Variants in CSMD3 observed in about 807,000 individuals in gnomAD.
CSMD3 encodes the protein CUB and sushi domain-containing protein 3.
CSMD3 carries 177 observed loss-of-function variants against 435.2 expected under a neutral mutation model. The ratio of observed to expected loss-of-function variants is 0.41; its 90% CI spans 0.36 to 0.46. The LOEUF is 0.46. CSMD3 is among the 20% of genes least tolerant of loss of function. The probability of loss-of-function intolerance (pLI) is 0.34; values close to 1 mark genes in which losing one functional copy is unlikely to be tolerated. For synonymous variants in CSMD3, 1,656 were observed against 1,520.5 expected, an observed-to-expected ratio of 1.09 and a Z score of -2.07; for missense variants, 4,265 against 4,504.6, an observed-to-expected ratio of 0.95 and a Z score of 1.52.
intron 67 of CSMD3, among the ~76,000 whole-genome samples, chr8:112,235,153 T>C (rs574945224): frequency 6.6e-6 from 1 of 152,022 alleles, no homozygotes; most frequent in Non-Finnish European, 1.5e-5. Context: ...ATGGTCTGAA[T>C]CCAAAAGTAT....
chr8:112,572,146 T>C (rs1407255698), intron 24 of CSMD3, among the ~76,000 whole-genome samples: 1 of 152,068 alleles, frequency 6.6e-6, no homozygotes, highest in Non-Finnish European at 1.5e-5. Context: ...CATTACAATA[T>C]TGATATTGCT....
intron 27 of CSMD3, among the ~76,000 whole-genome samples, chr8:112,535,270 C>T (rs1162423838): frequency 6.6e-6 from 1 of 152,082 alleles, no homozygotes; most frequent in Non-Finnish European, 1.5e-5. Flanking sequence ...ATCTAGAAAA[C>T]CCCATTGTCT....
chr8:112,796,168 A>G (rs1195792065), intron 13 of CSMD3, among the ~76,000 whole-genome samples: 1 of 152,092 alleles, frequency 6.6e-6, no homozygotes, highest in Admixed American at 6.6e-5. Flanking sequence ...AAATCTCTCA[A>G]AATCACTTAG....
At position 112,462,583 on chromosome 8, in the gene CSMD3, A is replaced by AGAGCATATTATAGTGAAATTCTT. The variant is rs575795929; in HGVS notation, c.5395+9985_5395+10007dup. 1.2e-3 allele frequency among the ~76,000 whole-genome samples: 189 copies of AGAGCATATTATAGTGAAATTCTT among 152,328 alleles called. 1 individual carries two copies. The highest frequency in any genetic ancestry group is 4.5e-3 in the African/African-American group (187 of 41,566). On this transcript the variant is annotated intron_variant, in intron 32 of 70. Transcript: ENST00000297405. ...TTGAAAATTCAGCTAATCCCATTCT[A>AGAGCATATTATAGTGAAATTCTT]GAGCATATTATAGTGAAATTCTTGC...
At chr8:112,386,173 G>A (rs1204600685) in intron 36 of CSMD3, among the ~76,000 whole-genome samples, 1 of 152,168 alleles carries the variant, frequency 6.6e-6, no homozygotes, top group Non-Finnish European at 1.5e-5. Context: ...CGAGGGAGGA[G>A]AGGTTCTGCC....
rs1814158113 is a variant in CSMD3 at position 112,241,653 on chromosome 8, A to T, written c.10468+67T>A. 2 of 1,041,862 alleles carry T rather than the reference A, an allele frequency of 1.9e-6. 1 individual carries two copies. The highest frequency in any genetic ancestry group is 3.4e-5 in the Admixed American group (2 of 58,806). The allele number at this position is 1,041,862 out of a possible 1,614,324, so 64.5% of individuals were successfully genotyped here. A position where few individuals can be genotyped will look rare whatever the true frequency, so the allele number is the denominator to read the frequency against. On this transcript the variant is annotated intron_variant, in intron 66 of 70. Transcript: ENST00000297405. ...TATATTTTTTAAATACACAGTTACTATGCCAAGAAAATAGTAGACCATTTT... is the reference window on the plus strand; with the variant it reads ...TATATTTTTTAAATACACAGTTACTTTGCCAAGAAAATAGTAGACCATTTT...
At chr8:112,361,574 T>TAC (rs1194812702) in intron 38 of CSMD3, among the ~76,000 whole-genome samples, 499 of 4,136 alleles carry the variant, frequency 0.12, 22 homozygotes, top group African/African-American at 0.23. Flanking sequence ...TACACATACA[T>TAC]ATATATATAT....
intron 1 of CSMD3, among the ~76,000 whole-genome samples, chr8:113,375,548 T>TACAC: frequency 9.3e-6 from 1 of 107,288 alleles, no homozygotes; most frequent in African/African-American, 3.8e-5. Context: ...CACACACACG[T>TACAC]GTCATGCCGA....
At chr8:112,899,873 A>G (rs2082062713) in intron 10 of CSMD3, among the ~76,000 whole-genome samples, 1 of 150,170 alleles carries the variant, frequency 6.7e-6, no homozygotes, top group South Asian at 2.1e-4. Flanking sequence ...AGACTTATAT[A>G]TATCTTCTGA....
rs548409793 is a variant in CSMD3, at chr8:112,997,604, C to T, written c.1031-21456G>A. Reference sequence around the variant, plus strand: ...TTTGATGGTCAAGGAGATATTATATCTGACTTTTTTCTTAGTTTGTATCAG... The same window carrying T: ...TTTGATGGTCAAGGAGATATTATATTTGACTTTTTTCTTAGTTTGTATCAG... On this transcript the variant is annotated intron_variant, in intron 6 of 70. Transcript: ENST00000297405. Among the ~76,000 whole-genome samples the T allele has an allele frequency of 7.9e-5, 12 of 151,534 alleles. No individual in the cohort carries two copies. In the East Asian group the frequency reaches 1.6e-3, roughly 20 times the overall value.
At chr8:112,586,253 A>G (rs932158151) in intron 23 of CSMD3, among the ~76,000 whole-genome samples, 4 of 151,542 alleles carry the variant, frequency 2.6e-5, no homozygotes, top group Non-Finnish European at 5.9e-5. Flanking sequence ...TTGTGAAAAC[A>G]GAAGTATAAT....
At chr8:112,986,499 G>A (rs1209427206) in intron 6 of CSMD3, among the ~76,000 whole-genome samples, 1 of 152,058 alleles carries the variant, frequency 6.6e-6, no homozygotes, top group East Asian at 1.9e-4. Flanking sequence ...ACGGAAAGAA[G>A]GCAAGTTGAA....
intron 18 of CSMD3, among the ~76,000 whole-genome samples, chr8:112,653,433 AAT>A (rs1287432755): frequency 2.6e-5 from 4 of 152,152 alleles, no homozygotes; most frequent in African/African-American, 9.7e-5. Flanking sequence ...TTTGGAGATG[AAT>A]ATATGTCTAT....
intron 18 of CSMD3, among the ~76,000 whole-genome samples, chr8:112,654,612 C>A (rs911399410): frequency 6.6e-6 from 1 of 152,124 alleles, no homozygotes; most frequent in African/African-American, 2.4e-5. Context: ...TGCATTTGAG[C>A]AGGACTTCTT....
chr8:113,009,166 G>A (rs2086165453), intron 6 of CSMD3, among the ~76,000 whole-genome samples: 1 of 151,680 alleles, frequency 6.6e-6, no homozygotes, highest in Non-Finnish European at 1.5e-5. Context: ...ACCATGTGGA[G>A]GTTAATCAGA....
chr8:112,970,497 G>A (rs952884213), intron 7 of CSMD3, among the ~76,000 whole-genome samples: 3 of 150,746 alleles, frequency 2.0e-5, no homozygotes, highest in Non-Finnish European at 4.4e-5. Context: ...ATATATATCC[G>A]TTATCTAATT....
At chr8:112,609,116 C>A (rs929004537) in intron 22 of CSMD3, among the ~76,000 whole-genome samples, 1 of 141,382 alleles carries the variant, frequency 7.1e-6, no homozygotes, top group African/African-American at 2.6e-5. Flanking sequence ...GCAGGAGAAT[C>A]GCTTGAACCT....
chr8:112,768,822 A>T (rs909603473), intron 13 of CSMD3, among the ~76,000 whole-genome samples: 1 of 151,932 alleles, frequency 6.6e-6, no homozygotes, highest in African/African-American at 2.4e-5. Flanking sequence ...CCAACCATTC[A>T]TAAAGCCATT....
intron 4 of CSMD3, among the ~76,000 whole-genome samples, chr8:113,148,058 C>A (rs1280652689): frequency 1.3e-5 from 2 of 151,756 alleles, no homozygotes; most frequent in East Asian, 3.9e-4. Context: ...TTAGTAGTTA[C>A]CCATTGCTCT....
Sources: allele counts gnomAD v4.1 joint callset (sites outside exome capture counted in the v4.1 genomes callset), GRCh38; gene constraint gnomAD v4.1.1; transcripts MANE v1.5; gene names NCBI Gene and HGNC (gene_info 2026-07-23, HGNC 2026-07-21).